DSCAM: variants seen among roughly 807,000 people sequenced by gnomAD.
The protein encoded by DSCAM is cell adhesion molecule DSCAM.
In DSCAM, 47 loss-of-function variants were observed where a neutral mutation model predicts 217.7. That is an observed-to-expected ratio of 0.22 (90% CI 0.17 to 0.28). DSCAM has a LOEUF of 0.28. Among genes scored for constraint, DSCAM ranks in the 10% least tolerant of loss-of-function variants. The probability of loss-of-function intolerance (pLI) is 1.00; values close to 1 mark genes in which losing one functional copy is unlikely to be tolerated. For synonymous variants in DSCAM, 1,056 were observed against 1,015.3 expected (o/e 1.04, Z -0.76); for missense variants, 2,080 against 2,618.3 (o/e 0.79, Z 4.49).
chr21:40,839,327 C>A (rs2092081437), intron 1 of DSCAM, among the ~76,000 whole-genome samples: 1 of 152,208 alleles, frequency 6.6e-6, no homozygotes, highest in Non-Finnish European at 1.5e-5. Context: ...GAACTCTTCT[C>A]TCAGTAATTG....
chr21:40,571,275 AAAAAT>A (rs1235830082), intron 3 of DSCAM, among the ~76,000 whole-genome samples: 1 of 152,186 alleles, frequency 6.6e-6, no homozygotes, highest in Non-Finnish European at 1.5e-5. Context: ...GTATAAATAA[AAAAAT>A]AAAAGCTATA....
chr21:40,610,422 C>T (rs551352579), intron 3 of DSCAM, among the ~76,000 whole-genome samples: 22 of 152,312 alleles, frequency 1.4e-4, no homozygotes, highest in South Asian at 8.3e-4. Flanking sequence ...GAGCCCAGCA[C>T]GGGCTGCCCA....
At chr21:40,228,618 C>T (rs2091354414) in intron 11 of DSCAM, among the ~76,000 whole-genome samples, 1 of 150,986 alleles carries the variant, frequency 6.6e-6, no homozygotes, top group Non-Finnish European at 1.5e-5. Context: ...TTATTTTATC[C>T]TTTCTTTCCC....
chr21:40,295,929 C>T, intron 10 of DSCAM, 126 bp downstream of exon 10: 1 of 1,190,532 alleles, frequency 8.4e-7, no homozygotes, highest in Non-Finnish European at 1.2e-6. Flanking sequence ...GAATGATAGG[C>T]TTGGTGGAAA....
chr21:40,289,538 T>C (rs2123426253), intron 10 of DSCAM, among the ~76,000 whole-genome samples: 1 of 152,274 alleles, frequency 6.6e-6, no homozygotes, highest in East Asian at 1.9e-4. Flanking sequence ...ATTACAGTCT[T>C]AAAATAGGGG....
At chr21:40,673,559 G>A (rs1171333014) in intron 3 of DSCAM, among the ~76,000 whole-genome samples, 1 of 152,018 alleles carries the variant, frequency 6.6e-6, no homozygotes, top group African/African-American at 2.4e-5. Context: ...TGGTCTGGTG[G>A]TATGGCTTGG....
At chr21:40,015,382 C>T (rs1186187909) in intron 32 of DSCAM, among the ~76,000 whole-genome samples, 1 of 151,694 alleles carries the variant, frequency 6.6e-6, no homozygotes, top group Non-Finnish European at 1.5e-5. Flanking sequence ...ACCTTTCTCT[C>T]CAGGTTAATT....
intron 10 of DSCAM, among the ~76,000 whole-genome samples, chr21:40,285,796 C>T (rs935264447): frequency 5.3e-5 from 8 of 152,078 alleles, no homozygotes; most frequent in Non-Finnish European, 1.2e-4. Context: ...AGAGATGTTG[C>T]CTTCTTCTCG....
intron 3 of DSCAM, among the ~76,000 whole-genome samples, chr21:40,379,251 A>G (rs1408339730): frequency 6.6e-6 from 1 of 152,224 alleles, no homozygotes; most frequent in Non-Finnish European, 1.5e-5. Context: ...ATCTTAAAAG[A>G]AGACTCTATT....
In DSCAM at chr21:40,386,519, G is replaced by T. The variant is rs187638911; in HGVS notation, c.509-17274C>A. Among the ~76,000 whole-genome samples, 381 of 152,326 alleles carry T rather than the reference G, an allele frequency of 2.5e-3. 5 individuals carry two copies. The highest frequency in any genetic ancestry group is 5.8e-3 in the African/African-American group (242 of 41,576). ...CCCCTGCTGGTCAGACCGAGGCCCCGCAGCGTGGCACAGAGAGCTCCACGG... is the reference window on the plus strand; with the variant it reads ...CCCCTGCTGGTCAGACCGAGGCCCCTCAGCGTGGCACAGAGAGCTCCACGG... On this transcript the variant is annotated intron_variant, in intron 3 of 32. Transcript: ENST00000400454.
intron 3 of DSCAM, among the ~76,000 whole-genome samples, chr21:40,415,697 G>T (rs1344199394): frequency 6.6e-6 from 1 of 152,194 alleles, no homozygotes; most frequent in African/African-American, 2.4e-5. Context: ...CTCACACCCT[G>T]GCAAGGTAAT....
intron 3 of DSCAM, among the ~76,000 whole-genome samples, chr21:40,445,347 C>A (rs990759809): frequency 2.6e-5 from 4 of 152,194 alleles, no homozygotes; most frequent in Non-Finnish European, 1.5e-5. Context: ...TGGGATAATG[C>A]AACATTGGTT....
chr21:40,099,736 G>A (rs1434149500), intron 20 of DSCAM, among the ~76,000 whole-genome samples: 1 of 152,184 alleles, frequency 6.6e-6, no homozygotes, highest in African/African-American at 2.4e-5. Flanking sequence ...AGGCCACCTG[G>A]GCAGGACTTG....
intron 3 of DSCAM, among the ~76,000 whole-genome samples, chr21:40,533,984 A>C (rs1181117406): frequency 1.3e-5 from 2 of 152,212 alleles, no homozygotes; most frequent in African/African-American, 4.8e-5. Flanking sequence ...TCTCATTTTA[A>C]AATGGCCACA....
intron 15 of DSCAM, among the ~76,000 whole-genome samples, chr21:40,169,004 T>C (rs973486778): frequency 6.6e-6 from 1 of 152,164 alleles, no homozygotes; most frequent in African/African-American, 2.4e-5. Context: ...AATATAATTA[T>C]CATTAAGTGT....
chr21:40,539,368 G>A (rs535608578), intron 3 of DSCAM, among the ~76,000 whole-genome samples: 2 of 152,136 alleles, frequency 1.3e-5, no homozygotes, highest in African/African-American at 2.4e-5. Context: ...GGTGGCAGGC[G>A]CCTGTAGTCC....
chr21:40,258,641 C>T (rs1481999323), intron 11 of DSCAM, among the ~76,000 whole-genome samples: 1 of 152,230 alleles, frequency 6.6e-6, no homozygotes, highest in African/African-American at 2.4e-5. Context: ...GTTCTTAGCT[C>T]CCACAATTTA....
intron 3 of DSCAM, among the ~76,000 whole-genome samples, chr21:40,526,911 C>A (rs1463905614): frequency 6.6e-6 from 1 of 151,998 alleles, no homozygotes; most frequent in East Asian, 1.9e-4. Context: ...GAATGATGCT[C>A]AGAGCTTTGG....
intron 15 of DSCAM, 73 bp downstream of exon 15, chr21:40,178,854 A>C (rs2090762468): frequency 6.3e-7 from 1 of 1,588,024 alleles, no homozygotes; most frequent in Non-Finnish European, 8.6e-7. Flanking sequence ...CTGCTTCTGC[A>C]TTTAAGCATC....
Sources: allele counts gnomAD v4.1 joint callset (sites outside exome capture counted in the v4.1 genomes callset), GRCh38; gene constraint gnomAD v4.1.1; transcripts MANE v1.5; gene names NCBI Gene and HGNC (gene_info 2026-07-23, HGNC 2026-07-21).